The following COMMD10 variants were observed in gnomAD, a reference collection of about 807,000 sequenced individuals.
COMMD10 encodes COMM domain-containing protein 10.
A neutral mutation model predicts 28.9 loss-of-function variants in COMMD10; 33 were observed. That is an observed-to-expected ratio of 1.14 (90% confidence interval 0.87 to 1.53). The LOEUF is 1.53. Among genes scored for constraint, COMMD10 ranks in the 40% most tolerant of loss-of-function variants. The pLI is 0.00. For synonymous variants in COMMD10, 110 were observed against 81.7 expected, an observed-to-expected ratio of 1.35 and a Z score of -1.87; for missense variants, 310 against 233.4, an observed-to-expected ratio of 1.33 and a Z score of -2.14.
chr5:116,104,100 C>G (rs946263617), intron 4 of COMMD10, among the ~76,000 whole-genome samples: 1 of 152,124 alleles, frequency 6.6e-6, no homozygotes, highest in Admixed American at 6.5e-5. Flanking sequence ...CAGCTTTGTT[C>G]TTTTGCTTAG....
At chr5:116,122,512 G>T (rs1362762861) in intron 4 of COMMD10, among the ~76,000 whole-genome samples, 2 of 152,210 alleles carry the variant, frequency 1.3e-5, no homozygotes, top group Non-Finnish European at 2.9e-5. Flanking sequence ...TTCCAATTCT[G>T]TGAAGAAAGT....
At position 116,286,414 on chromosome 5, in the gene COMMD10, G is replaced by GT. The variant is rs550622190; in HGVS notation, c.511-5091dup. 1.7e-3 allele frequency among the ~76,000 whole-genome samples: 241 copies of GT among 140,052 alleles called. No individual in the cohort carries two copies. The Middle Eastern group carries it at 0.027, about 16-fold the overall frequency. 91.9% of individuals were successfully genotyped at this position (140,052 alleles called of 152,430 possible). A position where few individuals can be genotyped will look rare whatever the true frequency, so the allele number is the denominator to read the frequency against. ...TCTTCCTGCTTACTTTGACCTTAGG[G>GT]TTTTTTTTTTTTCCTAGTTCCTTGG... On this transcript the variant is annotated intron_variant, in intron 5 of 6. Coordinates refer to ENST00000274458, the MANE Select transcript of COMMD10 (RefSeq NM_016144.4).
chr5:116,147,494 A>C (rs932719698), intron 5 of COMMD10, among the ~76,000 whole-genome samples: 1 of 151,924 alleles, frequency 6.6e-6, no homozygotes, highest in African/African-American at 2.4e-5. Flanking sequence ...TAAAAAATAT[A>C]TCATATTTTA....
chr5:116,290,407 A>G (rs878956240), intron 5 of COMMD10, among the ~76,000 whole-genome samples: 4 of 151,896 alleles, frequency 2.6e-5, no homozygotes, highest in Admixed American at 6.6e-5. Context: ...ATGAAGAAGT[A>G]TGGAAATTTG....
chr5:116,110,646 A>G (rs1344385507), intron 4 of COMMD10, among the ~76,000 whole-genome samples: 3 of 152,176 alleles, frequency 2.0e-5, no homozygotes, highest in Non-Finnish European at 2.9e-5. Context: ...TGACTGGGTA[A>G]CTTATAAAGA....
intron 5 of COMMD10, among the ~76,000 whole-genome samples, chr5:116,239,125 A>G (rs1038324187): frequency 6.6e-6 from 1 of 152,166 alleles, no homozygotes; most frequent in Admixed American, 6.5e-5. Context: ...CCAATCGCAA[A>G]TTTATACTCA....
intron 5 of COMMD10, among the ~76,000 whole-genome samples, chr5:116,250,467 T>C (rs531311167): frequency 6.6e-6 from 1 of 151,114 alleles, no homozygotes; most frequent in East Asian, 1.9e-4. Context: ...ATGGAAGTAG[T>C]TTGGCTAAAA....
At chr5:116,239,748 T>C (rs1749765572) in intron 5 of COMMD10, among the ~76,000 whole-genome samples, 1 of 152,328 alleles carries the variant, frequency 6.6e-6, no homozygotes, top group Non-Finnish European at 1.5e-5. Flanking sequence ...TTTCATAAAT[T>C]AATGAATTCT....
At chr5:116,118,986 T>A (rs949844633) in intron 4 of COMMD10, among the ~76,000 whole-genome samples, 2 of 152,238 alleles carry the variant, frequency 1.3e-5, no homozygotes, top group African/African-American at 2.4e-5. Context: ...GATGTGCATT[T>A]GTTAAATAGA....
At chr5:116,199,108 C>T (rs1174250248) in intron 5 of COMMD10, among the ~76,000 whole-genome samples, 1 of 152,122 alleles carries the variant, frequency 6.6e-6, no homozygotes, top group Non-Finnish European at 1.5e-5. Flanking sequence ...GCTCCTTATC[C>T]TCACCATCAT....
intron 5 of COMMD10, among the ~76,000 whole-genome samples, chr5:116,170,826 A>G (rs1442346985): frequency 6.6e-6 from 1 of 152,208 alleles, no homozygotes; most frequent in Non-Finnish European, 1.5e-5. Context: ...ACCTTATATA[A>G]AAATTAACTC....
intron 5 of COMMD10, among the ~76,000 whole-genome samples, chr5:116,163,257 G>A (rs985310337): frequency 2.7e-5 from 4 of 149,460 alleles, no homozygotes; most frequent in African/African-American, 5.0e-5. Context: ...AAGTATTGGC[G>A]TTTTCTTCTT....
intron 5 of COMMD10, among the ~76,000 whole-genome samples, chr5:116,193,551 T>C (rs531012986): frequency 6.6e-6 from 1 of 152,208 alleles, no homozygotes; most frequent in South Asian, 2.1e-4. Context: ...AAACAAACTT[T>C]AAAGCAACAG....
At chr5:116,118,462 C>T (rs1054668738) in intron 4 of COMMD10, among the ~76,000 whole-genome samples, 2 of 151,860 alleles carry the variant, frequency 1.3e-5, no homozygotes, top group Middle Eastern at 6.8e-3. Flanking sequence ...TCCTTACAAA[C>T]TGTGCTATTT....
intron 5 of COMMD10, among the ~76,000 whole-genome samples, chr5:116,247,808 A>G (rs189485604): frequency 1.6e-4 from 25 of 152,026 alleles, no homozygotes; most frequent in African/African-American, 5.5e-4. Flanking sequence ...TCTGGGGTCT[A>G]TTGGAGGGTG....
At chr5:116,172,771 A>G (rs1288759043) in intron 5 of COMMD10, among the ~76,000 whole-genome samples, 1 of 152,180 alleles carries the variant, frequency 6.6e-6, no homozygotes, top group Admixed American at 6.6e-5. Context: ...GGTTAAAATT[A>G]AAATATTACT....
chr5:116,102,779 C>G (rs1580445968), intron 4 of COMMD10, among the ~76,000 whole-genome samples: 2 of 152,260 alleles, frequency 1.3e-5, no homozygotes, highest in East Asian at 3.9e-4. Flanking sequence ...AACCCGTCAT[C>G]TACATTAGGT....
chr5:116,100,889 G>A (rs1187962453), intron 4 of COMMD10, among the ~76,000 whole-genome samples: 1 of 151,880 alleles, frequency 6.6e-6, no homozygotes, highest in African/African-American at 2.4e-5. Context: ...ATCCACCCTC[G>A]CAGCACCTCC....
At chr5:116,166,034 C>A (rs553802675) in intron 5 of COMMD10, among the ~76,000 whole-genome samples, 1 of 152,238 alleles carries the variant, frequency 6.6e-6, no homozygotes, top group South Asian at 2.1e-4. Context: ...AGAGTGTCAT[C>A]CTCAACTATC....
Sources: allele counts gnomAD v4.1 joint callset (sites outside exome capture counted in the v4.1 genomes callset), GRCh38; gene constraint gnomAD v4.1.1; transcripts MANE v1.5; gene names NCBI Gene and HGNC (gene_info 2026-07-23, HGNC 2026-07-21).